KCNQ3: variants seen among roughly 807,000 people sequenced by gnomAD.
KCNQ3 encodes the protein potassium voltage-gated channel subfamily Q member 3.
In KCNQ3, 30 loss-of-function variants were observed where a neutral mutation model predicts 92.5. The ratio of observed to expected loss-of-function variants is 0.32; its 90% CI spans 0.24 to 0.44. KCNQ3 has a LOEUF of 0.44. Among genes scored for constraint, KCNQ3 ranks in the 20% least tolerant of loss-of-function variants. The pLI is 1.00. For synonymous variants in KCNQ3, 450 were observed against 468.8 expected, an observed-to-expected ratio of 0.96 and a Z score of 0.52; for missense variants, 913 against 1,140.3, an observed-to-expected ratio of 0.80 and a Z score of 2.87.
intron 1 of KCNQ3, among the ~76,000 whole-genome samples, chr8:132,324,842 A>G (rs1407052572): frequency 6.6e-6 from 1 of 152,188 alleles, no homozygotes; most frequent in Admixed American, 6.5e-5. Context: ...GGCGGTTGCC[A>G]TCATAATGTG....
rs556086588 is a variant in KCNQ3, at chr8:132,383,999, T to G, written c.386+96148A>C. 2.9e-4 allele frequency among the ~76,000 whole-genome samples: 43 copies of G among 149,608 alleles called. No individual in the cohort carries two copies. The South Asian group carries it at 5.5e-3, about 19-fold the overall frequency. Reference sequence around the variant, plus strand: ...CTACAATTTGCTGTAATGCACTTTGTCAGGCCTAACTAAGGAGAATGGGAG... The same window carrying G: ...CTACAATTTGCTGTAATGCACTTTGGCAGGCCTAACTAAGGAGAATGGGAG... On this transcript the variant is annotated intron_variant, in intron 1 of 14. Transcript: ENST00000388996.
intron 1 of KCNQ3, among the ~76,000 whole-genome samples, chr8:132,252,798 G>T (rs1815459788): frequency 6.6e-6 from 1 of 152,142 alleles, no homozygotes; most frequent in Non-Finnish European, 1.5e-5. Context: ...CAATCCTTTA[G>T]CTAGACAGAA....
intron 1 of KCNQ3, among the ~76,000 whole-genome samples, chr8:132,312,786 C>G (rs1467182361): frequency 6.6e-6 from 1 of 152,202 alleles, no homozygotes; most frequent in Non-Finnish European, 1.5e-5. Flanking sequence ...ATGCCTGCTT[C>G]CCCTTCTGCC....
At chr8:132,392,790 CAAAAAAAAAAAA>C (rs56183412) in intron 1 of KCNQ3, among the ~76,000 whole-genome samples, 22 of 72,648 alleles carry the variant, frequency 3.0e-4, no homozygotes, top group Admixed American at 3.5e-4. Context: ...GAACCTGTCT[CAAAAAAAAAAAA>C]AAAAAAAAAA....
chr8:132,163,652 G>A (rs777741775), intron 8 of KCNQ3, among the ~76,000 whole-genome samples, 158 bp from the exon 9 acceptor site: 1 of 152,156 alleles, frequency 6.6e-6, no homozygotes, highest in Non-Finnish European at 1.5e-5. Context: ...TGAAGGAGGC[G>A]GGTTTACCCA....
In KCNQ3 at chr8:132,126,949, G is replaced by GACTC. The variant is rs766682563; in HGVS notation, c.*2309_*2312dup. ...TAATTGGCGCATATGTGGAGAGTAT[G>GACTC]ACTCACTCTCCTTTATTGTTGGTTT... is the stretch of plus-strand genomic sequence containing the variant. On this transcript the variant is annotated 3_prime_UTR_variant, in exon 15 of 15. Transcript: ENST00000388996. 4.6e-5 allele frequency: 7 copies of GACTC among 152,166 alleles called. No individual in the cohort carries two copies. Among genetic ancestry groups the GACTC allele is most frequent in the Non-Finnish European group, 8.8e-5 (6 of 68,032 alleles). The allele number at this position is 152,166 out of a possible 1,614,324, so 9.4% of individuals were successfully genotyped here. A position where few individuals can be genotyped will look rare whatever the true frequency, so the allele number is the denominator to read the frequency against.
intron 1 of KCNQ3, among the ~76,000 whole-genome samples, chr8:132,413,631 C>A (rs1470676832): frequency 6.6e-6 from 1 of 152,160 alleles, no homozygotes; most frequent in African/African-American, 2.4e-5. Flanking sequence ...CTATAATTCC[C>A]AGGAGACTTG....
At chr8:132,293,467 ATGTCTTCTTCTG>A (rs1484902079) in intron 1 of KCNQ3, among the ~76,000 whole-genome samples, 1 of 152,094 alleles carries the variant, frequency 6.6e-6, no homozygotes, top group East Asian at 1.9e-4. Flanking sequence ...TTGGTCACAG[ATGTCTTCTTCTG>A]TGTTAATGAT....
intron 1 of KCNQ3, among the ~76,000 whole-genome samples, chr8:132,284,633 T>A (rs1241938642): frequency 6.6e-6 from 1 of 152,186 alleles, no homozygotes; most frequent in African/African-American, 2.4e-5. Context: ...TCTAGAGAGA[T>A]TTTATAAGTA....
chr8:132,160,927 G>A (rs570805940), intron 9 of KCNQ3, among the ~76,000 whole-genome samples: 6 of 152,266 alleles, frequency 3.9e-5, no homozygotes, highest in African/African-American at 1.4e-4. Flanking sequence ...GGCATCATGA[G>A]TTGGGCATCT....
At chr8:132,191,292 G>A (rs568724672) in intron 1 of KCNQ3, among the ~76,000 whole-genome samples, 2 of 152,240 alleles carry the variant, frequency 1.3e-5, no homozygotes. Flanking sequence ...GTCCCAAGTA[G>A]CTGGAACTAC....
chr8:132,281,795 C>A (rs956436174), intron 1 of KCNQ3, among the ~76,000 whole-genome samples: 2 of 152,192 alleles, frequency 1.3e-5, no homozygotes, highest in Non-Finnish European at 2.9e-5. Context: ...CAAAACCCTG[C>A]AGTGGCTTTC....
rs149221406 is a variant in KCNQ3 at position 132,341,270 on chromosome 8, G to A, written c.386+138877C>T. 1.4e-3 allele frequency among the ~76,000 whole-genome samples: 217 copies of A among 152,300 alleles called. 1 individual carries two copies. Among genetic ancestry groups the A allele is most frequent in the Admixed American group, 3.1e-3 (48 of 15,304 alleles). On this transcript the variant is annotated intron_variant, in intron 1 of 14. Coordinates refer to ENST00000388996, the MANE Select transcript of KCNQ3 (RefSeq NM_004519.4). ...GTCATTCACAAACCTCAGTGGAAGA[G>A]GTATCTACTGGAGAGCTGTCATGTT...
chr8:132,396,566 A>T (rs1273009328), intron 1 of KCNQ3, among the ~76,000 whole-genome samples: 2 of 152,200 alleles, frequency 1.3e-5, no homozygotes, highest in African/African-American at 4.8e-5. Context: ...AAAAATCTAG[A>T]TACCAAAACT....
chr8:132,477,668 T>A (rs888219518), intron 1 of KCNQ3, among the ~76,000 whole-genome samples: 3 of 152,288 alleles, frequency 2.0e-5, no homozygotes, highest in Non-Finnish European at 2.9e-5. Flanking sequence ...ACCACCCCAG[T>A]TCATCCTCAA....
intron 1 of KCNQ3, among the ~76,000 whole-genome samples, chr8:132,299,661 G>T (rs897383533): frequency 6.6e-5 from 10 of 152,140 alleles, no homozygotes; most frequent in South Asian, 2.1e-4. Context: ...ATCCTTTGGA[G>T]GCATCTTGCC....
intron 1 of KCNQ3, among the ~76,000 whole-genome samples, chr8:132,188,958 T>C (rs1048441062): frequency 6.6e-6 from 1 of 152,200 alleles, no homozygotes; most frequent in Non-Finnish European, 1.5e-5. Context: ...ATGAACAACA[T>C]GTACACGTGC....
rs375465742 is a variant in KCNQ3, at chr8:132,296,015, A to T, written c.387-109834T>A. Among the ~76,000 whole-genome samples the T allele has an allele frequency of 2.0e-5, 3 of 152,376 alleles. No individual in the cohort carries two copies. In the South Asian group the frequency reaches 6.2e-4, roughly 32 times the overall value. The stretch of plus-strand genomic sequence containing the variant: ...TATGTAACAAACTTACATGTTGTGC[A>T]CATGAATCCCAGAACATAAAATTAA... On this transcript the variant is annotated intron_variant, in intron 1 of 14. Transcript: ENST00000388996.
At chr8:132,218,354 T>C (rs926206756) in intron 1 of KCNQ3, among the ~76,000 whole-genome samples, 1 of 152,212 alleles carries the variant, frequency 6.6e-6, no homozygotes, top group Non-Finnish European at 1.5e-5. Flanking sequence ...GCACCCAGAA[T>C]GGCATCTGGC....
Sources: gnomAD v4.1 joint callset for allele counts (sites outside exome capture counted in the v4.1 genomes callset) on GRCh38, gnomAD v4.1.1 for gene constraint, MANE v1.5 for transcripts, NCBI Gene and HGNC (gene_info 2026-07-23, HGNC 2026-07-21) for gene names.